RHOXF1: variants seen among roughly 807,000 people sequenced by gnomAD.
RHOXF1 encodes the protein PEPP subfamily gene 1.
RHOXF1 carries 1 observed loss-of-function variant against 9.7 expected under a neutral mutation model. The ratio of observed to expected loss-of-function variants is 0.10; its 90% CI spans 0.04 to 0.49. The LOEUF (loss-of-function observed/expected upper bound fraction) is 0.49, where lower values mean the gene tolerates loss of function less well. Ranked by LOEUF, RHOXF1 falls within the 20% of genes least tolerant of loss-of-function variation. The pLI, the probability that RHOXF1 is intolerant of heterozygous loss-of-function variation, is 0.95. For missense variants in RHOXF1, 179 were observed against 168.0 expected (o/e 1.07, Z -0.36); for synonymous variants, 72 against 70.2 (o/e 1.03, Z -0.13).
At chrX:120,112,973 T>A in intron 1 of RHOXF1, 59 bp from the exon 2 acceptor site, 1 of 770,401 alleles carries the variant, frequency 1.3e-6, no homozygotes, top group Non-Finnish European at 2.0e-6. Context: ...ATGAAATATA[T>A]AGTATGTACT....
In RHOXF1 at chrX:120,115,641, G is replaced by A; in HGVS notation, c.222C>T (p.Asn74=). The A allele has an allele frequency of 2.5e-6, 3 of 1,185,028 alleles. No individual in the cohort carries two copies. The highest frequency in any genetic ancestry group is 6.0e-5 in the East Asian group (2 of 33,098). ...GGMIPEGGGG[N]QEPRQQPQPP... The stretch of plus-strand genomic sequence containing the variant: ...GCTGCGGCTGCTGCCGAGGCTCCTG[G>A]TTTCCACCGCCGCCCTCGGGGATCA... Residue 74 remains asparagine (N), a synonymous_variant, in exon 1 of 3, where the codon AAC becomes AAT. Transcript: ENST00000217999.
At chrX:120,110,634 CA>C (rs1406083092) in intron 2 of RHOXF1, among the ~76,000 whole-genome samples, 1 of 111,759 alleles carries the variant, frequency 8.9e-6, no homozygotes, top group Non-Finnish European at 1.9e-5. Context: ...GGAAGGGTCA[CA>C]AATATGGCTC....
intron 2 of RHOXF1, 25 bp from the exon 3 acceptor site, chrX:120,109,327 T>TGGTTTA: frequency 1.1e-6 from 1 of 948,669 alleles, no homozygotes; most frequent in South Asian, 2.1e-5. Context: ...AAAAGGGGAT[T>TGGTTTA]GGTTTAGTAT....
rs1555999452 is a variant in RHOXF1 at position 120,109,322 on chromosome X, G to T, written c.445-20C>A. 1 of 1,015,645 alleles carries T rather than the reference G, an allele frequency of 9.8e-7. No individual in the cohort carries two copies. Among genetic ancestry groups the T allele is most frequent in the South Asian group, 2.0e-5 (1 of 49,608 alleles). The allele number at this position is 1,015,645 out of a possible 1,213,427, so 83.7% of individuals were successfully genotyped here. A position where few individuals can be genotyped will look rare whatever the true frequency, so the allele number is the denominator to read the frequency against. ...CCAAACCTACAATCAGAGGGAAAAG[G>T]GGATTGGTTTAGTATATTGAACAGT... On this transcript the variant is annotated intron_variant, in intron 2 of 2. Coordinates refer to ENST00000217999, the MANE Select transcript of RHOXF1 (RefSeq NM_139282.3).
chrX:120,114,059 C>T (rs1185710483), intron 1 of RHOXF1, among the ~76,000 whole-genome samples: 6 of 109,846 alleles, frequency 5.5e-5, no homozygotes, highest in African/African-American at 2.0e-4. Context: ...AATCGCACTG[C>T]TGCACTCCAA....
chrX:120,110,875 C>CA (rs782666429), intron 2 of RHOXF1, among the ~76,000 whole-genome samples: 2 of 111,940 alleles, frequency 1.8e-5, no homozygotes, highest in East Asian at 5.6e-4. Context: ...TGCATGAGGC[C>CA]AGTCTCTAAA....
At chrX:120,113,317 T>C (rs1361422159) in intron 1 of RHOXF1, among the ~76,000 whole-genome samples, 13 of 110,523 alleles carry the variant, frequency 1.2e-4, no homozygotes, top group African/African-American at 4.3e-4. Context: ...GATTTTTGTA[T>C]TTTTAGTAGA....
chrX:120,116,493 G>C (rs1422291161), upstream of RHOXF1: 5 of 110,989 alleles, frequency 4.5e-5, no homozygotes, highest in Non-Finnish European at 9.5e-5. Context: ...TGATTTGGGG[G>C]CTCAGAGGGG....
chrX:120,115,391 G>A (rs782017872), intron 1 of RHOXF1, 74 bp downstream of exon 1: 262 of 921,921 alleles, frequency 2.8e-4, no homozygotes, highest in Non-Finnish European at 3.6e-4. Flanking sequence ...TCATGATTGG[G>A]TGGGGCAAGG....
intron 2 of RHOXF1, among the ~76,000 whole-genome samples, chrX:120,109,928 C>T (rs1360807296): frequency 9.0e-5 from 10 of 111,619 alleles, no homozygotes; most frequent in African/African-American, 3.3e-4. Context: ...ATATTGGATG[C>T]AGTTCTGGCT....
chrX:120,118,662 T>C (rs1225767020), upstream of RHOXF1, among the ~76,000 whole-genome samples: 1 of 111,475 alleles, frequency 9.0e-6, no homozygotes, highest in Admixed American at 9.5e-5. Flanking sequence ...CTCTATCATC[T>C]TAAACCTGGG....
At chrX:120,112,995 G>T in intron 1 of RHOXF1, 81 bp from the exon 2 acceptor site, 2 of 670,130 alleles carry the variant, frequency 3.0e-6, no homozygotes, top group Non-Finnish European at 4.7e-6. Context: ...TTTACTTCAT[G>T]CTTGTTTTAC....
intron 2 of RHOXF1, among the ~76,000 whole-genome samples, chrX:120,111,391 A>C (rs1555999759): frequency 8.9e-6 from 1 of 111,851 alleles, no homozygotes; most frequent in Non-Finnish European, 1.9e-5. Context: ...ACCCACTACC[A>C]GATCGGCAGT....
In RHOXF1 at chrX:120,115,894, G is replaced by C. The variant is rs781920215; in HGVS notation, c.-32C>G. The C allele has an allele frequency of 4.4e-6, 5 of 1,130,166 alleles. No individual in the cohort carries two copies. The African/African-American group carries it at 9.6e-5, about 22-fold the overall frequency. The allele number at this position is 1,130,166 out of a possible 1,213,427, so 93.1% of individuals were successfully genotyped here. On this transcript the variant is annotated 5_prime_UTR_variant, in exon 1 of 3. Coordinates refer to ENST00000217999, the MANE Select transcript of RHOXF1 (RefSeq NM_139282.3). ...AGCGCTGCGCCCCTGCACAAACTCCGTGGCGTCTGCAGCTGGAGTGGGGGT... is the reference window on the plus strand; with the variant it reads ...AGCGCTGCGCCCCTGCACAAACTCCCTGGCGTCTGCAGCTGGAGTGGGGGT...
intron 1 of RHOXF1, among the ~76,000 whole-genome samples, 168 bp downstream of exon 1, chrX:120,115,297 A>C (rs896939425): frequency 1.8e-5 from 2 of 112,004 alleles, no homozygotes; most frequent in Admixed American, 1.9e-4. Context: ...CATTGCAATA[A>C]AACATTTACC....
At chrX:120,120,381 T>C (rs1340615832), upstream of RHOXF1, 2 of 111,848 alleles carry the variant, frequency 1.8e-5, no homozygotes, top group Non-Finnish European at 3.8e-5. Context: ...AATGTGCCAC[T>C]GTCGCGGCCA....
upstream of RHOXF1, among the ~76,000 whole-genome samples, chrX:120,120,009 G>T (rs2057310509): frequency 9.0e-6 from 1 of 110,625 alleles, no homozygotes; most frequent in Non-Finnish European, 1.9e-5. Flanking sequence ...AGTTGCAAAG[G>T]AAAAAATACG....
At chrX:120,113,588 G>C (rs1556000151) in intron 1 of RHOXF1, among the ~76,000 whole-genome samples, 1 of 107,428 alleles carries the variant, frequency 9.3e-6, no homozygotes, top group Admixed American at 9.9e-5. Context: ...CAAGTGGCTG[G>C]GAGTACAGGC....
At chrX:120,114,603 G>A (rs1236169537) in intron 1 of RHOXF1, among the ~76,000 whole-genome samples, 1 of 108,414 alleles carries the variant, frequency 9.2e-6, no homozygotes, top group Non-Finnish European at 1.9e-5. Context: ...AAGAAAGAAA[G>A]AAAAAGCCAC....
Sources: allele counts gnomAD v4.1 joint callset (sites outside exome capture counted in the v4.1 genomes callset), GRCh38; gene constraint gnomAD v4.1.1; transcripts MANE v1.5; gene names NCBI Gene and HGNC (gene_info 2026-07-23, HGNC 2026-07-21).